SLC29A4: variants seen among roughly 807,000 people sequenced by gnomAD.
SLC29A4 encodes the protein solute carrier family 29 member 4.
Under a neutral mutation model 43.9 loss-of-function variants are expected in SLC29A4, and 36 were observed. The ratio of observed to expected loss-of-function variants is 0.82; its 90% CI spans 0.63 to 1.08. The LOEUF (loss-of-function observed/expected upper bound fraction) is 1.08, where lower values mean the gene tolerates loss of function less well. SLC29A4 is among the 50% of genes least tolerant of loss of function. The pLI, the probability that SLC29A4 is intolerant of heterozygous loss-of-function variation, is 0.00. For missense variants in SLC29A4, 869 were observed against 755.3 expected (o/e 1.15, Z -1.77); for synonymous variants, 491 against 338.0 (o/e 1.45, Z -4.97).
chr7:5,297,297 C>T (rs1432048039), intron 7 of SLC29A4, 99 bp downstream of exon 7: 175 of 1,350,248 alleles, frequency 1.3e-4, no homozygotes, highest in Non-Finnish European at 1.7e-4. Flanking sequence ...TCACCTGCAT[C>T]CCAGACTGTG....
At chr7:5,286,313 A>C (rs1784942866) in intron 1 of SLC29A4, among the ~76,000 whole-genome samples, 1 of 152,136 alleles carries the variant, frequency 6.6e-6, no homozygotes, top group Admixed American at 6.6e-5. Flanking sequence ...TCACAAGGTC[A>C]AGAGGTCGAG....
At chr7:5,298,308 C>T (rs547250404) in intron 7 of SLC29A4, among the ~76,000 whole-genome samples, 74 of 152,228 alleles carry the variant, frequency 4.9e-4, no homozygotes, top group Non-Finnish European at 7.9e-4. Context: ...TGGGCTAAGA[C>T]CTGACCCACA....
At chr7:5,296,143 C>G (rs560623773) in intron 6 of SLC29A4, among the ~76,000 whole-genome samples, 45 of 152,302 alleles carry the variant, frequency 3.0e-4, no homozygotes, top group African/African-American at 1.0e-3. Flanking sequence ...AGGCTGCACT[C>G]CCGGCCCTGT....
chr7:5,301,588 C>G (rs1265296726), intron 10 of SLC29A4, among the ~76,000 whole-genome samples: 1 of 152,184 alleles, frequency 6.6e-6, no homozygotes, highest in East Asian at 1.9e-4. Context: ...TAAAGCATCC[C>G]TCCAGCTGCC....
At chr7:5,292,515 C>T (rs1012105490) in intron 5 of SLC29A4, among the ~76,000 whole-genome samples, 3 of 151,990 alleles carry the variant, frequency 2.0e-5, no homozygotes, top group African/African-American at 7.3e-5. Context: ...AGCACTCTCT[C>T]CCCCTCTCCC....
chr7:5,296,919 C>G lies in SLC29A4; in HGVS notation c.620-17C>G. ...GCTGGGCGGATCAGGCCCCGGCCCA[C>G]TGTGCACGCCCCCCAGGCACGGCGG... On this transcript the variant is annotated splice_polypyrimidine_tract_variant and intron_variant, in intron 6 of 10. Transcript: ENST00000396872. 2 of 1,576,712 alleles carry G rather than the reference C, an allele frequency of 1.3e-6. No homozygotes were observed. The highest frequency in any genetic ancestry group is 1.1e-5 in the South Asian group (1 of 87,720).
rs372219167 is a variant in SLC29A4, at chr7:5,299,089, G to C, written c.984G>C (p.Pro328=). 4 of 1,610,342 alleles carry C rather than the reference G, an allele frequency of 2.5e-6. No individual in the cohort carries two copies. The highest frequency in any genetic ancestry group is 1.7e-4 in the Middle Eastern group (1 of 6,026). ...GGGCCTACATGCGCTTTGATGTGCC[G>C]CGGCCAAGGGTCCAGCGCAGCTGGC... The part of the protein sequence containing the change: ...SGGAYMRFDV[P]RPRVQRSWPT... Residue 328 remains proline (P), a synonymous_variant, in exon 8 of 11, where the codon CCG becomes CCC. Coordinates refer to ENST00000396872, the MANE Select transcript of SLC29A4 (RefSeq NM_153247.4).
At chr7:5,296,747 G>C (rs562649212) in intron 6 of SLC29A4, among the ~76,000 whole-genome samples, 189 bp from the exon 7 acceptor site, 2,217 of 141,962 alleles carry the variant, frequency 0.016, 66 homozygotes, top group African/African-American at 0.056. Context: ...GGGGCCGGCG[G>C]TGATGGGCGG....
intron 2 of SLC29A4, 59 bp downstream of exon 2, chr7:5,288,044 C>G (rs1785071077): frequency 2.6e-6 from 4 of 1,533,878 alleles, no homozygotes; most frequent in Non-Finnish European, 3.5e-6. Context: ...GGCTGTGTGA[C>G]CCCCAGTGAA....
Position 5,290,709 on chromosome 7 carries a change from T to C in SLC29A4, c.170-23T>C, listed in dbSNP as rs200725392. 15 of 1,595,170 alleles carry C rather than the reference T, an allele frequency of 9.4e-6. No homozygotes were observed. The East Asian group carries it at 3.1e-4, about 33-fold the overall frequency. On this transcript the variant is annotated intron_variant, in intron 2 of 10. Transcript: ENST00000396872. ...AGCCATGCGTGGAGCGTGCCCCGTC[T>C]CACCTGGTGTCTCTGGCTTTAGCAT... is the stretch of plus-strand genomic sequence containing the variant.
chr7:5,287,433 GAAAA>G (rs527760734), intron 1 of SLC29A4, among the ~76,000 whole-genome samples: 16 of 147,428 alleles, frequency 1.1e-4, no homozygotes, highest in East Asian at 6.0e-4. Context: ...AAAAAAAAAA[GAAAA>G]AAAAGACATA....
At chr7:5,285,443 A>G (rs1784888005) in intron 1 of SLC29A4, among the ~76,000 whole-genome samples, 1 of 152,230 alleles carries the variant, frequency 6.6e-6, no homozygotes, top group African/African-American at 2.4e-5. Flanking sequence ...CCCAGCTGTC[A>G]GGGGCTGAAT....
intron 5 of SLC29A4, among the ~76,000 whole-genome samples, chr7:5,292,320 C>T (rs1785360069): frequency 6.6e-6 from 1 of 152,144 alleles, no homozygotes; most frequent in Non-Finnish European, 1.5e-5. Context: ...CTCTGTGTTG[C>T]CCAGGCTAGT....
chr7:5,301,686 G>A (rs1786175764), intron 10 of SLC29A4, among the ~76,000 whole-genome samples: 1 of 152,212 alleles, frequency 6.6e-6, no homozygotes, highest in African/African-American at 2.4e-5. Context: ...ACGTGGCACT[G>A]GGAGGTGCCG....
Position 5,287,901 on chromosome 7 carries a change from G to C in SLC29A4, c.85G>C (p.Asp29His). Reference sequence around the variant, plus strand: ...GGGCGTAGTGATGAGCTTCACCTTCGACAGTCACCAGCTGGAGGAGGCGGC... The same window carrying C: ...GGGCGTAGTGATGAGCTTCACCTTCCACAGTCACCAGCTGGAGGAGGCGGC... ...DPGVVMSFTF[D>H]SHQLEEAAEA... The change falls in exon 2 of 11, where the codon GAC (aspartate) becomes CAC (histidine). Residue 29 changes from aspartate (D) to histidine (H), a missense_variant. By Grantham distance (81) the Asp-to-His change is moderately conservative. Coordinates refer to ENST00000396872, the MANE Select transcript of SLC29A4 (RefSeq NM_153247.4). 1.2e-6 allele frequency: 2 copies of C among 1,612,116 alleles called. No individual in the cohort carries two copies. Among genetic ancestry groups the C allele is most frequent in the Non-Finnish European group, 1.7e-6 (2 of 1,179,830 alleles).
chr7:5,301,298 G>A (rs1786147097), intron 10 of SLC29A4, among the ~76,000 whole-genome samples: 1 of 151,866 alleles, frequency 6.6e-6, no homozygotes, highest in African/African-American at 2.4e-5. Context: ...GGCGTGACTG[G>A]TTGAATGGCA....
At chr7:5,284,032 A>ACCCCCCCCCCCCCCC (rs79051188) in intron 1 of SLC29A4, among the ~76,000 whole-genome samples, 53 of 72,250 alleles carry the variant, frequency 7.3e-4, no homozygotes, top group African/African-American at 1.1e-3. Flanking sequence ...GAGCTGCACG[A>ACCCCCCCCCCCCCCC]CCCCCCCCCC....
At chr7:5,286,520 C>T (rs998712393) in intron 1 of SLC29A4, among the ~76,000 whole-genome samples, 1 of 134,060 alleles carries the variant, frequency 7.5e-6, no homozygotes, top group Non-Finnish European at 1.5e-5. Context: ...AAGACTCCAT[C>T]TCAAAAAAAA....
In SLC29A4 at chr7:5,303,948, A is replaced by T. The variant is rs2128093791; in HGVS notation, c.*1009A>T. 1 of 152,562 alleles carries T rather than the reference A, an allele frequency of 6.6e-6. No individual in the cohort carries two copies. Among genetic ancestry groups the T allele is most frequent in the South Asian group, 2.1e-4 (1 of 4,816 alleles). The allele number at this position is 152,562 out of a possible 1,614,324, so 9.5% of individuals were successfully genotyped here. ...CAGGGGGAGGACCGCCCCCGCTTCC[A>T]GATCCCCGGCCCCGGCTGTGACTGC... On this transcript the variant is annotated 3_prime_UTR_variant, in exon 11 of 11. Coordinates refer to ENST00000396872, the MANE Select transcript of SLC29A4 (RefSeq NM_153247.4).
Sources: gnomAD v4.1 joint callset for allele counts (sites outside exome capture counted in the v4.1 genomes callset) on GRCh38, gnomAD v4.1.1 for gene constraint, MANE v1.5 for transcripts, NCBI Gene and HGNC (gene_info 2026-07-23, HGNC 2026-07-21) for gene names.